The following CPM variants were observed in gnomAD, a reference collection of about 807,000 sequenced individuals.
CPM encodes renal carboxypeptidase.
A neutral mutation model predicts 46.4 loss-of-function variants in CPM; 35 were observed. The ratio of observed to expected loss-of-function variants is 0.75; its 90% CI spans 0.58 to 1.00. CPM has a LOEUF of 1.00. Ranked by LOEUF, CPM falls within the 50% of genes least tolerant of loss-of-function variation. CPM has a pLI of 0.00. For missense variants in CPM, 422 were observed against 530.4 expected (o/e 0.80, Z 2.01); for synonymous variants, 195 against 195.3 (o/e 1.00, Z 0.01).
chr12:68,913,649 G>A (rs1182659851), intron 2 of CPM, among the ~76,000 whole-genome samples: 1 of 152,146 alleles, frequency 6.6e-6, no homozygotes, highest in Non-Finnish European at 1.5e-5. Flanking sequence ...GGCAACCCCA[G>A]AGAGCCTAGC....
At chr12:68,899,556 A>T (rs1050980295) in intron 2 of CPM, among the ~76,000 whole-genome samples, 1 of 152,190 alleles carries the variant, frequency 6.6e-6, no homozygotes, top group African/African-American at 2.4e-5. Context: ...TCATGGAGAG[A>T]CTCCAACTCA....
chr12:68,945,846 CTTTTTTTTTTTT>C (rs1170064808), intron 1 of CPM, among the ~76,000 whole-genome samples: 3 of 88,460 alleles, frequency 3.4e-5, no homozygotes, highest in East Asian at 7.1e-4. Flanking sequence ...TTCTTTCTTT[CTTTTTTTTTTTT>C]TTTTTTTTTT....
intron 1 of CPM, among the ~76,000 whole-genome samples, chr12:68,949,907 G>C (rs569154153): frequency 1.3e-5 from 2 of 152,242 alleles, no homozygotes; most frequent in East Asian, 1.9e-4. Flanking sequence ...CTCATCTCCA[G>C]GTCAAGACCT....
At chr12:68,941,203 G>GTGTGTGTC (rs1364968528) in intron 1 of CPM, among the ~76,000 whole-genome samples, 1 of 149,442 alleles carries the variant, frequency 6.7e-6, no homozygotes, top group Non-Finnish European at 1.5e-5. Flanking sequence ...GTGTGTGTGT[G>GTGTGTGTC]TATATAAAGC....
chr12:68,857,429 G>A (rs1144948), intron 8 of CPM, among the ~76,000 whole-genome samples: 5,904 of 152,028 alleles, frequency 0.039, 122 homozygotes, highest in Middle Eastern at 0.072. Flanking sequence ...CTCCCAAAGT[G>A]CTGAGATTAC....
In CPM at chr12:68,914,942, T is replaced by G. The variant is rs140280773; in HGVS notation, c.160+17736A>C. 3.0e-3 allele frequency among the ~76,000 whole-genome samples: 451 copies of G among 152,338 alleles called. 3 individuals are homozygous for G. The highest frequency in any genetic ancestry group is 0.01 in the African/African-American group (422 of 41,578). On this transcript the variant is annotated intron_variant, in intron 2 of 8. Coordinates refer to ENST00000551568, the MANE Select transcript of CPM (RefSeq NM_198320.5). ...AAAACAGGGATAATACTACCTATTA[T>G]TTAATAGGTGTCAGGATTTAAAATA...
chr12:68,880,856 G>C (rs919937797), intron 3 of CPM, among the ~76,000 whole-genome samples: 8 of 152,226 alleles, frequency 5.3e-5, no homozygotes, highest in Non-Finnish European at 1.0e-4. Context: ...CAACTTGCCA[G>C]CCTGATTAAT....
At chr12:68,890,221 C>T (rs1022388477) in intron 2 of CPM, among the ~76,000 whole-genome samples, 1 of 152,126 alleles carries the variant, frequency 6.6e-6, no homozygotes, top group African/African-American at 2.4e-5. Context: ...TGGGACACAG[C>T]AAGACCTGTC....
At chr12:68,942,537 G>A (rs1888781392) in intron 1 of CPM, among the ~76,000 whole-genome samples, 2 of 152,146 alleles carry the variant, frequency 1.3e-5, no homozygotes, top group African/African-American at 4.8e-5. Context: ...CCCACTCTCT[G>A]ATTTTTAATT....
At chr12:68,916,723 T>A (rs1440779196) in intron 2 of CPM, among the ~76,000 whole-genome samples, 2 of 151,960 alleles carry the variant, frequency 1.3e-5, no homozygotes, top group African/African-American at 2.4e-5. Flanking sequence ...ACCCCATCTC[T>A]ACTATAAATA....
At chr12:68,900,167 A>C (rs961464445) in intron 2 of CPM, among the ~76,000 whole-genome samples, 5 of 152,240 alleles carry the variant, frequency 3.3e-5, no homozygotes, top group African/African-American at 9.7e-5. Context: ...GAATTCTGAA[A>C]ACCCAACAAT....
chr12:68,954,167 G>A (rs937884964), intron 1 of CPM, among the ~76,000 whole-genome samples: 3 of 152,072 alleles, frequency 2.0e-5, no homozygotes, highest in African/African-American at 7.3e-5. Flanking sequence ...TGTTTTTGTT[G>A]TGTATTTTCT....
At chr12:68,959,796 C>T (rs1042689519) in intron 1 of CPM, among the ~76,000 whole-genome samples, 8 of 152,200 alleles carry the variant, frequency 5.3e-5, no homozygotes, top group Non-Finnish European at 1.0e-4. Context: ...AAACCTGATG[C>T]TATGGTAATT....
chr12:68,859,438 G>A (rs542833705), intron 7 of CPM, among the ~76,000 whole-genome samples: 2 of 152,216 alleles, frequency 1.3e-5, no homozygotes, highest in East Asian at 1.9e-4. Context: ...AATAAAAACG[G>A]TGTCAATGTA....
intron 1 of CPM, among the ~76,000 whole-genome samples, chr12:68,946,407 T>G (rs951005093): frequency 1.3e-5 from 2 of 152,312 alleles, no homozygotes; most frequent in East Asian, 3.9e-4. Context: ...GAATCTCAGA[T>G]TAGACCTTTT....
At position 68,861,946 on chromosome 12, in the gene CPM, C is replaced by G. The variant is rs76643359; in HGVS notation, c.941-2875G>C. ...AAAAAAAAAAAAAAAAGTCATGGTA[C>G]CCTTTAAAAAAAGGCAGCAAATTTC... On this transcript the variant is annotated intron_variant, in intron 7 of 8. Transcript: ENST00000551568. 2.5e-3 allele frequency among the ~76,000 whole-genome samples: 359 copies of G among 141,666 alleles called. 11 individuals are homozygous for G. The East Asian group carries it at 0.063, about 25-fold the overall frequency. 92.9% of individuals were successfully genotyped at this position (141,666 alleles called of 152,430 possible). A position where few individuals can be genotyped will look rare whatever the true frequency, so the allele number is the denominator to read the frequency against.
chr12:68,866,701 T>G, intron 7 of CPM, 195 bp downstream of exon 7: 1 of 538,092 alleles, frequency 1.9e-6, no homozygotes, highest in Non-Finnish European at 3.2e-6. Context: ...CTTCCTTTTC[T>G]ATGAATGAGT....
At chr12:68,847,181 GTA>G (rs1884360463), downstream of CPM, 5 of 66,698 alleles carry the variant, frequency 7.5e-5, 1 homozygote, top group African/African-American at 4.4e-4. Context: ...GTTTATGTAT[GTA>G]TGTGTGTGTA....
intron 2 of CPM, among the ~76,000 whole-genome samples, chr12:68,897,231 C>T (rs975070735): frequency 4.0e-5 from 6 of 151,372 alleles, no homozygotes; most frequent in Non-Finnish European, 7.4e-5. Context: ...ACATAATTAT[C>T]ATGCCCCAAT....
Sources: gnomAD v4.1 joint callset for allele counts (sites outside exome capture counted in the v4.1 genomes callset) on GRCh38, gnomAD v4.1.1 for gene constraint, MANE v1.5 for transcripts, NCBI Gene and HGNC (gene_info 2026-07-23, HGNC 2026-07-21) for gene names.